ARHGAP42: variants seen among roughly 807,000 people sequenced by gnomAD.
The protein encoded by ARHGAP42 is Rho GTPase activating protein 42.
ARHGAP42 carries 63 observed loss-of-function variants against 125.0 expected under a neutral mutation model. That is an observed-to-expected ratio of 0.50 (90% CI 0.41 to 0.62). The LOEUF is 0.62. Among genes scored for constraint, ARHGAP42 ranks in the 20% least tolerant of loss-of-function variants. ARHGAP42 has a pLI of 0.00. For synonymous variants in ARHGAP42, 339 were observed against 351.0 expected (o/e 0.97, Z 0.38); for missense variants, 766 against 1,024.2 (o/e 0.75, Z 3.44).
intron 1 of ARHGAP42, among the ~76,000 whole-genome samples, chr11:100,707,763 C>A (rs1861502204): frequency 6.6e-6 from 1 of 152,170 alleles, no homozygotes; most frequent in Admixed American, 6.5e-5. Flanking sequence ...AGACAGAGGT[C>A]CTGTTTTCCT....
intron 9 of ARHGAP42, among the ~76,000 whole-genome samples, chr11:100,942,550 C>T (rs535443219): frequency 6.6e-6 from 1 of 152,218 alleles, no homozygotes; most frequent in East Asian, 1.9e-4. Flanking sequence ...AATTAGGTCA[C>T]AATCTGAGCA....
At chr11:100,730,887 A>G (rs1861945645) in intron 1 of ARHGAP42, among the ~76,000 whole-genome samples, 1 of 152,218 alleles carries the variant, frequency 6.6e-6, no homozygotes, top group African/African-American at 2.4e-5. Flanking sequence ...CTGTAACACA[A>G]TGGTAAAAAT....
chr11:100,727,210 C>T (rs1412620948), intron 1 of ARHGAP42, among the ~76,000 whole-genome samples: 2 of 152,156 alleles, frequency 1.3e-5, no homozygotes, highest in Admixed American at 6.5e-5. Context: ...AATGCACTTG[C>T]ACTTTGATAT....
At chr11:100,948,716 C>A (rs481991) in intron 11 of ARHGAP42, among the ~76,000 whole-genome samples, 181 bp downstream of exon 11, 133,932 of 151,850 alleles carry the variant, frequency 0.88, 59,151 homozygotes, top group East Asian at 1. Context: ...ATAACTCTAC[C>A]TTTCTGACTT....
intron 3 of ARHGAP42, chr11:100,839,374 A>C (rs1427323230): frequency 6.6e-6 from 1 of 152,220 alleles, no homozygotes; most frequent in Non-Finnish European, 1.5e-5. Flanking sequence ...AATGGCTATC[A>C]CCATGGTAGT....
intron 1 of ARHGAP42, among the ~76,000 whole-genome samples, chr11:100,742,615 A>G (rs1416842487): frequency 2.0e-5 from 3 of 152,208 alleles, no homozygotes; most frequent in Non-Finnish European, 2.9e-5. Flanking sequence ...TCAAAGGTCC[A>G]TAGATATCAT....
chr11:100,959,944 A>G lies in ARHGAP42; in HGVS notation c.1224A>G (p.Arg408=). The G allele has an allele frequency of 6.4e-7, 1 of 1,551,274 alleles. No homozygotes were observed. The highest frequency in any genetic ancestry group is 2.4e-5 in the East Asian group (1 of 40,906). The change falls in exon 13 of 24, where the codon AGA becomes AGG. Residue 408 remains arginine, a splice_region_variant and synonymous_variant. Coordinates refer to ENST00000298815, the MANE Select transcript of ARHGAP42 (RefSeq NM_152432.4). ...VRKCIQAVET[R]GITILGLYRI... is the part of the protein sequence containing the mutation. ...AATGCATTCAAGCTGTGGAAACAAG[A>G]GGTCAGTGTTGCCTGATTGGTACAG...
At chr11:100,747,429 A>G (rs938111248) in intron 1 of ARHGAP42, among the ~76,000 whole-genome samples, 20 of 152,236 alleles carry the variant, frequency 1.3e-4, no homozygotes, top group African/African-American at 4.3e-4. Flanking sequence ...ATGTCTGACC[A>G]TAAGGTAAGA....
intron 4 of ARHGAP42, among the ~76,000 whole-genome samples, chr11:100,878,106 G>A (rs1394274525): frequency 2.7e-5 from 4 of 150,568 alleles, no homozygotes; most frequent in Admixed American, 6.6e-5. Context: ...GGTAATAAAT[G>A]CCAATTTCCT....
intron 1 of ARHGAP42, among the ~76,000 whole-genome samples, chr11:100,736,524 G>A (rs1862072076): frequency 6.6e-6 from 1 of 152,140 alleles, no homozygotes; most frequent in African/African-American, 2.4e-5. Context: ...GGAATGTAAT[G>A]GAGAGACAGT....
chr11:100,978,011 G>C (rs1289179349), intron 21 of ARHGAP42, among the ~76,000 whole-genome samples: 1 of 152,106 alleles, frequency 6.6e-6, no homozygotes, highest in Non-Finnish European at 1.5e-5. Flanking sequence ...TATCTCTTTT[G>C]GTTAGAAATC....
chr11:100,823,119 C>A (rs1202836730), intron 3 of ARHGAP42, among the ~76,000 whole-genome samples: 1 of 152,146 alleles, frequency 6.6e-6, no homozygotes, highest in East Asian at 1.9e-4. Context: ...TTCTATTTTT[C>A]TTCCCAGCAA....
intron 4 of ARHGAP42, among the ~76,000 whole-genome samples, chr11:100,886,792 C>T (rs1355212413): frequency 1.3e-5 from 2 of 152,182 alleles, no homozygotes; most frequent in African/African-American, 2.4e-5. Context: ...AGCCATTTAA[C>T]TTCTTTGAGA....
intron 12 of ARHGAP42, among the ~76,000 whole-genome samples, chr11:100,953,369 G>A (rs1857716460): frequency 1.3e-5 from 2 of 152,168 alleles, no homozygotes; most frequent in Admixed American, 1.3e-4. Context: ...TTTTTGAACT[G>A]CTGAAGACAA....
At chr11:100,984,776 AAG>A (rs1340744150) in intron 22 of ARHGAP42, among the ~76,000 whole-genome samples, 1 of 151,986 alleles carries the variant, frequency 6.6e-6, no homozygotes, top group Non-Finnish European at 1.5e-5. Context: ...ATCTTTTTCA[AAG>A]AGAGATTAGA....
At chr11:100,926,785 C>G (rs894202829) in intron 6 of ARHGAP42, among the ~76,000 whole-genome samples, 1 of 152,208 alleles carries the variant, frequency 6.6e-6, no homozygotes, top group Non-Finnish European at 1.5e-5. Context: ...CTCACCTGTA[C>G]TATGATTGCT....
At chr11:100,884,121 G>T (rs1866026743) in intron 4 of ARHGAP42, among the ~76,000 whole-genome samples, 1 of 152,038 alleles carries the variant, frequency 6.6e-6, no homozygotes, top group African/African-American at 2.4e-5. Flanking sequence ...AATGTATGTG[G>T]TCTTCCCATT....
intron 3 of ARHGAP42, among the ~76,000 whole-genome samples, chr11:100,851,164 G>A (rs967168169): frequency 6.6e-6 from 1 of 152,078 alleles, no homozygotes; most frequent in African/African-American, 2.4e-5. Flanking sequence ...TTACAGGTGT[G>A]AGCCACTGCG....
intron 6 of ARHGAP42, among the ~76,000 whole-genome samples, chr11:100,926,950 G>A (rs1867443074): frequency 6.6e-6 from 1 of 152,116 alleles, no homozygotes; most frequent in Non-Finnish European, 1.5e-5. Context: ...TCCTTTTAGA[G>A]TCCATTATAG....
Sources: allele counts gnomAD v4.1 joint callset (sites outside exome capture counted in the v4.1 genomes callset), GRCh38; gene constraint gnomAD v4.1.1; transcripts MANE v1.5; gene names NCBI Gene and HGNC (gene_info 2026-07-23, HGNC 2026-07-21).